HECW2: variants seen among roughly 807,000 people sequenced by gnomAD.
The protein encoded by HECW2 is E3 ubiquitin-protein ligase HECW2.
Under a neutral mutation model 175.2 loss-of-function variants are expected in HECW2, and 61 were observed. That is an observed-to-expected ratio of 0.35 (90% CI 0.28 to 0.43). The LOEUF (loss-of-function observed/expected upper bound fraction) is 0.43, where lower values mean the gene tolerates loss of function less well. Among genes scored for constraint, HECW2 ranks in the 20% least tolerant of loss-of-function variants. The pLI is 1.00. For missense variants in HECW2, 1,524 were observed against 2,000.5 expected (o/e 0.76, Z 4.54); for synonymous variants, 671 against 731.0 (o/e 0.92, Z 1.32).
chr2:196,274,220 T>C (rs986111691), intron 15 of HECW2, 97 bp from the exon 16 acceptor site: 7 of 802,946 alleles, frequency 8.7e-6, no homozygotes, highest in Non-Finnish European at 1.5e-5. Context: ...ACAATGAGCA[T>C]AGTGAAGTAC....
rs1257617009 is a variant in HECW2, at chr2:196,450,626, C to T, written c.-35-17168G>A. On this transcript the variant is annotated intron_variant, in intron 1 of 28. Transcript: ENST00000644978. ...CCTGCCAAGTAGCTAGGATTACAGG[C>T]ATGTGCCACCACGCCTGGGTAATTT... 2.0e-5 allele frequency among the ~76,000 whole-genome samples: 3 copies of T among 151,876 alleles called. No homozygotes were observed. The East Asian group carries it at 5.8e-4, about 29-fold the overall frequency.
At chr2:196,521,050 A>C (rs1688352868) in intron 1 of HECW2, among the ~76,000 whole-genome samples, 1 of 152,204 alleles carries the variant, frequency 6.6e-6, no homozygotes. Context: ...GATCAGGAGA[A>C]AAGCATTATT....
intron 21 of HECW2, among the ~76,000 whole-genome samples, chr2:196,230,536 T>A (rs1688013475): frequency 6.6e-6 from 1 of 152,134 alleles, no homozygotes; most frequent in South Asian, 2.1e-4. Flanking sequence ...CCTTCAACCT[T>A]CTCTCAGGGC....
At chr2:196,383,669 C>A (rs1001927570) in intron 2 of HECW2, among the ~76,000 whole-genome samples, 2 of 152,302 alleles carry the variant, frequency 1.3e-5, no homozygotes, top group Admixed American at 6.5e-5. Flanking sequence ...ATGACAAGGG[C>A]TCCAATGTCC....
At chr2:196,565,934 A>G (rs1373750353) in intron 1 of HECW2, among the ~76,000 whole-genome samples, 3 of 152,242 alleles carry the variant, frequency 2.0e-5, no homozygotes, top group South Asian at 4.1e-4. Context: ...CCACTTTTGT[A>G]TATGTTTCAG....
intron 1 of HECW2, among the ~76,000 whole-genome samples, chr2:196,554,844 A>G (rs1000953877): frequency 6.6e-6 from 1 of 152,202 alleles, no homozygotes; most frequent in East Asian, 1.9e-4. Context: ...CTTGCAAAAT[A>G]CTTATGTTTT....
chr2:196,401,478 A>G (rs1335327774), intron 2 of HECW2, among the ~76,000 whole-genome samples: 6 of 152,228 alleles, frequency 3.9e-5, no homozygotes, highest in Non-Finnish European at 7.4e-5. Context: ...AAAGGGAAAC[A>G]ATTAGTATTA....
chr2:196,591,079 G>A (rs1310907604), intron 1 of HECW2, among the ~76,000 whole-genome samples: 1 of 152,234 alleles, frequency 6.6e-6, no homozygotes, highest in Non-Finnish European at 1.5e-5. Context: ...GGTAGGCGCA[G>A]AAAAGCTCCA....
intron 1 of HECW2, among the ~76,000 whole-genome samples, chr2:196,508,949 T>G (rs1163542840): frequency 6.6e-6 from 1 of 152,122 alleles, no homozygotes; most frequent in Admixed American, 6.5e-5. Context: ...GCGCCTGTAG[T>G]CCCAGCTACT....
intron 2 of HECW2, among the ~76,000 whole-genome samples, chr2:196,350,488 T>C (rs1404619408): frequency 1.3e-5 from 2 of 152,248 alleles, no homozygotes; most frequent in Non-Finnish European, 2.9e-5. Context: ...ATGATTCAGA[T>C]GCAAGTACCA....
At position 196,311,099 on chromosome 2, in the gene HECW2, A is replaced by C. The variant is rs148049612; in HGVS notation, c.2435-3014T>G. On this transcript the variant is annotated intron_variant, in intron 10 of 28. Transcript: ENST00000644978. The stretch of plus-strand genomic sequence containing the variant: ...CACAAACACCTGACAATCCTATTTT[A>C]GCCATGACAGCTCCAATGTTATTGC... 1.2e-3 allele frequency among the ~76,000 whole-genome samples: 179 copies of C among 152,348 alleles called. 1 individual carries two copies. Among genetic ancestry groups the C allele is most frequent in the African/African-American group, 4.1e-3 (172 of 41,572 alleles).
At position 196,200,953 on chromosome 2, in the gene HECW2, T is replaced by C. The variant is rs1686834498; in HGVS notation, c.*324A>G. The C allele has an allele frequency of 5.2e-6, 1 of 192,394 alleles. No homozygotes were observed. The highest frequency in any genetic ancestry group is 2.3e-5 in the African/African-American group (1 of 43,354). The allele number at this position is 192,394 out of a possible 1,614,324, so 11.9% of individuals were successfully genotyped here. A position where few individuals can be genotyped will look rare whatever the true frequency, so the allele number is the denominator to read the frequency against. ...TCAAGGGTAAGTTTCAAGATTCTCC[T>C]GAGTCCCTAAAAATTACCGTGGAGC... is the stretch of plus-strand genomic sequence containing the variant. On this transcript the variant is annotated 3_prime_UTR_variant, in exon 29 of 29. Coordinates refer to ENST00000644978, the MANE Select transcript of HECW2 (RefSeq NM_001348768.2).
chr2:196,537,592 C>T (rs948139502), intron 1 of HECW2, among the ~76,000 whole-genome samples: 4 of 152,022 alleles, frequency 2.6e-5, no homozygotes, highest in South Asian at 4.2e-4. Context: ...CAGAGGCGTT[C>T]GAACCAGAGC....
At chr2:196,541,707 A>G (rs1483188129) in intron 1 of HECW2, among the ~76,000 whole-genome samples, 1 of 151,300 alleles carries the variant, frequency 6.6e-6, no homozygotes, top group Non-Finnish European at 1.5e-5. Context: ...ACATTTAAAG[A>G]TCCCTATAAG....
At chr2:196,514,062 C>T (rs1326483372) in intron 1 of HECW2, among the ~76,000 whole-genome samples, 1 of 152,184 alleles carries the variant, frequency 6.6e-6, no homozygotes, top group African/African-American at 2.4e-5. Context: ...CTCCCAGGTA[C>T]AGCAGCAGCC....
At chr2:196,460,086 C>A (rs1696679117) in intron 1 of HECW2, among the ~76,000 whole-genome samples, 1 of 152,188 alleles carries the variant, frequency 6.6e-6, no homozygotes, top group East Asian at 1.9e-4. Context: ...AGAATGGCTA[C>A]CCTGCAGGCT....
At chr2:196,342,900 T>C (rs1418517337) in intron 3 of HECW2, among the ~76,000 whole-genome samples, 1 of 151,918 alleles carries the variant, frequency 6.6e-6, no homozygotes, top group Non-Finnish European at 1.5e-5. Flanking sequence ...ATATTAATTA[T>C]AGATATAAAG....
intron 2 of HECW2, among the ~76,000 whole-genome samples, chr2:196,367,713 A>C (rs1021485738): frequency 2.6e-5 from 4 of 152,134 alleles, no homozygotes; most frequent in Non-Finnish European, 5.9e-5. Flanking sequence ...TTTCATGTTT[A>C]GTTCCCACAA....
chr2:196,325,241 A>C (rs1692105132), intron 5 of HECW2, 92 bp from the exon 6 acceptor site: 1 of 916,620 alleles, frequency 1.1e-6, no homozygotes, highest in Non-Finnish European at 1.6e-6. Flanking sequence ...AAGGGACAGA[A>C]GAAGGAAGGA....
Sources: allele counts gnomAD v4.1 joint callset (sites outside exome capture counted in the v4.1 genomes callset), GRCh38; gene constraint gnomAD v4.1.1; transcripts MANE v1.5; gene names NCBI Gene and HGNC (gene_info 2026-07-23, HGNC 2026-07-21).